The following SLAIN2 variants were observed in gnomAD, a reference collection of about 807,000 sequenced individuals.
SLAIN2 encodes the protein SLAIN family member 2.
A neutral mutation model predicts 56.6 loss-of-function variants in SLAIN2; 31 were observed. The observed-to-expected ratio is 0.55, with a 90% CI of 0.41 to 0.74. The LOEUF (loss-of-function observed/expected upper bound fraction) is 0.74, where lower values mean the gene tolerates loss of function less well. Ranked by LOEUF, SLAIN2 falls within the 30% of genes least tolerant of loss-of-function variation. SLAIN2 has a pLI of 0.00. For synonymous variants in SLAIN2, 317 were observed against 284.9 expected (o/e 1.11, Z -1.13); for missense variants, 777 against 754.2 (o/e 1.03, Z -0.35).
chr4:48,413,183 G>A (rs1420889846), intron 6 of SLAIN2, among the ~76,000 whole-genome samples: 2 of 151,482 alleles, frequency 1.3e-5, no homozygotes, highest in Non-Finnish European at 2.9e-5. Context: ...AACCAAGTTT[G>A]TGCCACTGTT....
intron 4 of SLAIN2, among the ~76,000 whole-genome samples, chr4:48,380,330 T>C (rs1035999962): frequency 6.6e-6 from 1 of 152,130 alleles, no homozygotes; most frequent in African/African-American, 2.4e-5. Flanking sequence ...GAGGGCCATA[T>C]ACAATTATGA....
chr4:48,394,244 A>G (rs2109771812), intron 6 of SLAIN2, among the ~76,000 whole-genome samples: 1 of 152,254 alleles, frequency 6.6e-6, no homozygotes, highest in East Asian at 1.9e-4. Context: ...GCTTGTGTTC[A>G]TCACTTTTTT....
chr4:48,365,631 G>A (rs1179609985), intron 1 of SLAIN2, among the ~76,000 whole-genome samples: 1 of 151,330 alleles, frequency 6.6e-6, no homozygotes, highest in Non-Finnish European at 1.5e-5. Flanking sequence ...CGGGATCTTG[G>A]CTCACTGCAA....
At chr4:48,377,812 GT>G in intron 2 of SLAIN2, 83 bp from the exon 3 acceptor site, 1 of 1,293,400 alleles carries the variant, frequency 7.7e-7, no homozygotes, top group Non-Finnish European at 1.1e-6. Flanking sequence ...TAATGATTTA[GT>G]TTTCTAATAG....
intron 2 of SLAIN2, among the ~76,000 whole-genome samples, chr4:48,374,528 C>T (rs1483655055): frequency 6.6e-6 from 1 of 152,186 alleles, no homozygotes; most frequent in Non-Finnish European, 1.5e-5. Flanking sequence ...GTGTGAGCCA[C>T]TGCAACTGGC....
intron 6 of SLAIN2, among the ~76,000 whole-genome samples, chr4:48,417,809 G>C (rs1363280142): frequency 6.6e-6 from 1 of 151,274 alleles, no homozygotes; most frequent in Non-Finnish European, 1.5e-5. Context: ...AACCCTTCAT[G>C]CTAAAAACTC....
chr4:48,404,806 T>C lies in SLAIN2; in HGVS notation c.1361-15319T>C, dbSNP rs555755200. ...GTCCTAGGTCAAAACTCTTTAAAGG[T>C]CACCTGTATCCAATCAACCTCATTA... On this transcript the variant is annotated intron_variant, in intron 6 of 7. Coordinates refer to ENST00000264313, the MANE Select transcript of SLAIN2 (RefSeq NM_020846.2). Among the ~76,000 whole-genome samples, 9 of 152,342 alleles carry C rather than the reference T, an allele frequency of 5.9e-5. No individual in the cohort carries two copies. In the South Asian group the frequency reaches 1.9e-3, roughly 32 times the overall value.
At chr4:48,357,734 T>A (rs2109741141) in intron 1 of SLAIN2, among the ~76,000 whole-genome samples, 1 of 152,272 alleles carries the variant, frequency 6.6e-6, no homozygotes, top group East Asian at 1.9e-4. Context: ...TTTGCATTTT[T>A]GGTAGAGACA....
chr4:48,381,543 T>C (rs535555957), intron 4 of SLAIN2, among the ~76,000 whole-genome samples: 2 of 152,342 alleles, frequency 1.3e-5, no homozygotes, highest in East Asian at 3.9e-4. Context: ...TAGGTGACTT[T>C]AGTGCCATGT....
At chr4:48,371,472 G>T (rs1190217755) in intron 2 of SLAIN2, among the ~76,000 whole-genome samples, 1 of 152,174 alleles carries the variant, frequency 6.6e-6, no homozygotes, top group Non-Finnish European at 1.5e-5. Context: ...GAAGCTTGAT[G>T]TAAGTTATAT....
rs1717286053 is a variant in SLAIN2 at position 48,425,886 on chromosome 4, G to A, written c.*3809G>A. 6.6e-6 allele frequency: 1 copy of A among 152,074 alleles called. No individual in the cohort carries two copies. The highest frequency in any genetic ancestry group is 2.4e-5 in the African/African-American group (1 of 41,414). The allele number at this position is 152,074 out of a possible 1,614,324, so 9.4% of individuals were successfully genotyped here. ...GCCTTATTTACTGTAATACAAACTG[G>A]TTAAAACTATGTTAACTGAATGCTA... On this transcript the variant is annotated 3_prime_UTR_variant, in exon 8 of 8. Coordinates refer to ENST00000264313, the MANE Select transcript of SLAIN2 (RefSeq NM_020846.2).
chr4:48,363,804 C>T (rs1715417163), intron 1 of SLAIN2, among the ~76,000 whole-genome samples: 1 of 139,512 alleles, frequency 7.2e-6, no homozygotes, highest in African/African-American at 2.6e-5. Context: ...GGGCTGACCC[C>T]CGCATCTCCC....
intron 6 of SLAIN2, among the ~76,000 whole-genome samples, chr4:48,414,018 G>GA (rs1197351899): frequency 6.6e-6 from 1 of 152,030 alleles, no homozygotes; most frequent in Non-Finnish European, 1.5e-5. Flanking sequence ...CTTATTAAAA[G>GA]AAAAAATATT....
At chr4:48,392,885 C>G (rs1170478552) in intron 6 of SLAIN2, among the ~76,000 whole-genome samples, 1 of 147,846 alleles carries the variant, frequency 6.8e-6, no homozygotes, top group Non-Finnish European at 1.5e-5. Flanking sequence ...CTGTAGCCAT[C>G]TAGTTGCCTA....
intron 6 of SLAIN2, among the ~76,000 whole-genome samples, chr4:48,384,301 C>G (rs895861433): frequency 6.6e-6 from 1 of 152,064 alleles, no homozygotes; most frequent in Non-Finnish European, 1.5e-5. Context: ...CTTTCCAAAA[C>G]AAAAGTATAC....
At position 48,373,909 on chromosome 4, in the gene SLAIN2, A is replaced by G. The variant is rs1214414875; in HGVS notation, c.538+3912A>G. Among the ~76,000 whole-genome samples, 6 of 152,222 alleles carry G rather than the reference A, an allele frequency of 3.9e-5. No individual in the cohort carries two copies. In the East Asian group the frequency reaches 1.2e-3, roughly 30 times the overall value. On this transcript the variant is annotated intron_variant, in intron 2 of 7. Transcript: ENST00000264313. ...TACAAAATTAATGGTGTGGTGGCAC[A>G]TGCCTGTAATCCCAGCTACTCGGGA...
chr4:48,346,261 C>T (rs1463914720), intron 1 of SLAIN2, among the ~76,000 whole-genome samples: 1 of 151,984 alleles, frequency 6.6e-6, no homozygotes, highest in African/African-American at 2.4e-5. Flanking sequence ...TAGAAGTCAC[C>T]ATATTTCCTT....
rs1287448185 is a variant in SLAIN2 at position 48,378,182 on chromosome 4, G to T, written c.703+122G>T. On this transcript the variant is annotated intron_variant, in intron 3 of 7. Coordinates refer to ENST00000264313, the MANE Select transcript of SLAIN2 (RefSeq NM_020846.2). The stretch of plus-strand genomic sequence containing the variant: ...TTTATGAAACTTTTAACTGGTTAAA[G>T]AAAATATCGTTGAGGAGCAACTTAG... The T allele has an allele frequency of 5.1e-6, 6 of 1,173,390 alleles. No individual in the cohort carries two copies. In the East Asian group the frequency reaches 1.4e-4, roughly 28 times the overall value. 72.7% of individuals were successfully genotyped at this position (1,173,390 alleles called of 1,614,324 possible). A position where few individuals can be genotyped will look rare whatever the true frequency, so the allele number is the denominator to read the frequency against.
At chr4:48,375,158 T>G (rs1231075205) in intron 2 of SLAIN2, among the ~76,000 whole-genome samples, 1 of 152,150 alleles carries the variant, frequency 6.6e-6, no homozygotes, top group Non-Finnish European at 1.5e-5. Flanking sequence ...TGCTAGTGAT[T>G]AATAACTAAG....
Sources: allele counts gnomAD v4.1 joint callset (sites outside exome capture counted in the v4.1 genomes callset), GRCh38; gene constraint gnomAD v4.1.1; transcripts MANE v1.5; gene names NCBI Gene and HGNC (gene_info 2026-07-23, HGNC 2026-07-21).